SLC9A6: variants seen among roughly 807,000 people sequenced by gnomAD.
SLC9A6 encodes the protein sodium/hydrogen exchanger 6.
In SLC9A6, 6 loss-of-function variants were observed where a neutral mutation model predicts 45.3. The observed-to-expected ratio is 0.13, with a 90% CI of 0.07 to 0.26. The LOEUF (loss-of-function observed/expected upper bound fraction) is 0.26, where lower values mean the gene tolerates loss of function less well. Among genes scored for constraint, SLC9A6 ranks in the 10% least tolerant of loss-of-function variants. SLC9A6 has a pLI of 1.00. For synonymous variants in SLC9A6, 191 were observed against 187.7 expected (o/e 1.02, Z -0.14); for missense variants, 278 against 503.7 (o/e 0.55, Z 4.29).
At chrX:135,996,921 C>G (rs1219321783) in intron 3 of SLC9A6, among the ~76,000 whole-genome samples, 1 of 109,848 alleles carries the variant, frequency 9.1e-6, no homozygotes. Context: ...CGCCCGCCAC[C>G]ACGCCCGGCT....
chrX:136,019,287 A>T (rs1163316482), intron 11 of SLC9A6, among the ~76,000 whole-genome samples: 2 of 112,488 alleles, frequency 1.8e-5, no homozygotes, highest in Non-Finnish European at 3.8e-5. Flanking sequence ...CTGAAGCAAT[A>T]TTGTTGCTAA....
intron 17 of SLC9A6, among the ~76,000 whole-genome samples, chrX:136,040,971 A>G (rs1368365966): frequency 3.6e-5 from 4 of 111,121 alleles, no homozygotes; most frequent in Non-Finnish European, 7.6e-5. Context: ...AATTACAAAA[A>G]TTAGCTGGGC....
intron 3 of SLC9A6, among the ~76,000 whole-genome samples, chrX:135,996,922 A>G (rs1450174733): frequency 9.2e-5 from 10 of 108,993 alleles, no homozygotes; most frequent in South Asian, 4.0e-4. Flanking sequence ...GCCCGCCACC[A>G]CGCCCGGCTA....
At chrX:136,014,327 C>T (rs2070977567) in intron 10 of SLC9A6, among the ~76,000 whole-genome samples, 1 of 111,111 alleles carries the variant, frequency 9.0e-6, no homozygotes, top group African/African-American at 3.3e-5. Context: ...AGAGATTAGG[C>T]TTTTTCCCCC....
At chrX:136,003,275 C>A (rs1455933603) in intron 7 of SLC9A6, among the ~76,000 whole-genome samples, 1 of 112,655 alleles carries the variant, frequency 8.9e-6, no homozygotes, top group East Asian at 2.8e-4. Flanking sequence ...AGGCGTGAGC[C>A]ACCACGCCCG....
At chrX:135,998,756 T>A in intron 5 of SLC9A6, 100 bp from the exon 6 acceptor site, 2 of 690,721 alleles carry the variant, frequency 2.9e-6, no homozygotes, top group Middle Eastern at 3.2e-4. Context: ...AAATTTGGGA[T>A]TAGTCACAAA....
chrX:135,997,953 T>C lies in SLC9A6; in HGVS notation c.370-155T>C, dbSNP rs781888932. ...CTGGTCGTTTGGTTGAGAAGTAGAA[T>C]AGAAACTATCCTATATGAAATATTT... On this transcript the variant is annotated intron_variant, in intron 3 of 17. Coordinates refer to ENST00000630721, the MANE Select transcript of SLC9A6 (RefSeq NM_001379110.1). Among the ~76,000 whole-genome samples, 5 of 112,385 alleles carry C rather than the reference T, an allele frequency of 4.4e-5. No individual in the cohort carries two copies. The South Asian group carries it at 1.1e-3, about 25-fold the overall frequency.
In SLC9A6 at chrX:136,044,784, G is replaced by T. The variant is rs1436857667; in HGVS notation, c.*60G>T. Reference sequence around the variant, plus strand: ...TGCACATGTGATTGTGAAGAAATTTGTACTACCTAAAAGTCCCAGTGCATG... The same window carrying T: ...TGCACATGTGATTGTGAAGAAATTTTTACTACCTAAAAGTCCCAGTGCATG... On this transcript the variant is annotated 3_prime_UTR_variant, in exon 18 of 18. Transcript: ENST00000630721. The T allele has an allele frequency of 2.4e-5, 26 of 1,072,789 alleles. No individual in the cohort carries two copies. Among genetic ancestry groups the T allele is most frequent in the African/African-American group, 7.3e-5 (4 of 54,656 alleles). The allele number at this position is 1,072,789 out of a possible 1,213,427, so 88.4% of individuals were successfully genotyped here.
intron 2 of SLC9A6, among the ~76,000 whole-genome samples, chrX:135,993,391 C>G (rs2089459031): frequency 8.9e-6 from 1 of 111,810 alleles, no homozygotes. Flanking sequence ...TTTGTGAATA[C>G]ACTAAAGACC....
chrX:135,976,198 G>A (rs1556613332), intron 1 of SLC9A6, among the ~76,000 whole-genome samples: 1 of 110,979 alleles, frequency 9.0e-6, no homozygotes, highest in East Asian at 2.8e-4. Flanking sequence ...CCTTACAAAT[G>A]TAGTTCTATT....
At chrX:136,024,157 G>A (rs376420480) in intron 12 of SLC9A6, among the ~76,000 whole-genome samples, 173 bp from the exon 13 acceptor site, 13 of 112,259 alleles carry the variant, frequency 1.2e-4, no homozygotes, top group African/African-American at 4.2e-4. Flanking sequence ...AAAGTGCTGG[G>A]ATTACAGGTG....
chrX:136,019,566 C>A (rs1401939318), intron 11 of SLC9A6, among the ~76,000 whole-genome samples: 1 of 112,343 alleles, frequency 8.9e-6, no homozygotes, highest in African/African-American at 3.2e-5. Flanking sequence ...CCACATGTTT[C>A]GTGGTTACAT....
At chrX:135,997,024 C>G (rs1023275927) in intron 3 of SLC9A6, among the ~76,000 whole-genome samples, 202 of 110,604 alleles carry the variant, frequency 1.8e-3, no homozygotes, top group African/African-American at 6.5e-3. Context: ...CCTTGGCCTC[C>G]CAAAGTGCTG....
At chrX:136,036,062 G>C (rs1211233085) in intron 16 of SLC9A6, among the ~76,000 whole-genome samples, 3 of 110,664 alleles carry the variant, frequency 2.7e-5, no homozygotes, top group African/African-American at 6.6e-5. Context: ...TGCCCAGCCT[G>C]TTTAGCTTTA....
At chrX:135,976,151 C>A (rs1421387531) in intron 1 of SLC9A6, among the ~76,000 whole-genome samples, 1 of 111,070 alleles carries the variant, frequency 9.0e-6, no homozygotes, top group Non-Finnish European at 1.9e-5. Flanking sequence ...GAATTTTACA[C>A]AATACTTGAT....
chrX:136,040,405 T>C (rs782486763), intron 17 of SLC9A6, among the ~76,000 whole-genome samples: 2 of 112,347 alleles, frequency 1.8e-5, no homozygotes, highest in Non-Finnish European at 3.7e-5. Flanking sequence ...TATAGAATCG[T>C]GCCTCATCTT....
chrX:136,016,296 G>T (rs975522284), intron 10 of SLC9A6, among the ~76,000 whole-genome samples: 1 of 110,465 alleles, frequency 9.1e-6, no homozygotes, highest in Admixed American at 9.7e-5. Flanking sequence ...ATGGTTAGAG[G>T]TCCTTTCTCA....
In SLC9A6 at chrX:135,999,031, T is replaced by C. The variant is rs1435037002; in HGVS notation, c.637+63T>C. ...GCATTGTTTTGCAGTCAAATACATG[T>C]GGGTTTTTCTTTCTTTGAGGTGTAG... is the stretch of plus-strand genomic sequence containing the variant. On this transcript the variant is annotated intron_variant, in intron 6 of 17. Coordinates refer to ENST00000630721, the MANE Select transcript of SLC9A6 (RefSeq NM_001379110.1). 3 of 704,799 alleles carry C rather than the reference T, an allele frequency of 4.3e-6. No individual in the cohort carries two copies. The African/African-American group carries it at 6.3e-5, about 15-fold the overall frequency. The allele number at this position is 704,799 out of a possible 1,213,427, so 58.1% of individuals were successfully genotyped here.
At chrX:135,990,380 C>T (rs1020203091) in intron 2 of SLC9A6, among the ~76,000 whole-genome samples, 2 of 111,769 alleles carry the variant, frequency 1.8e-5, no homozygotes, top group Non-Finnish European at 3.8e-5. Flanking sequence ...CTAGAAGTTT[C>T]TGCTTTAGTC....
Sources: allele counts gnomAD v4.1 joint callset (sites outside exome capture counted in the v4.1 genomes callset), GRCh38; gene constraint gnomAD v4.1.1; transcripts MANE v1.5; gene names NCBI Gene and HGNC (gene_info 2026-07-23, HGNC 2026-07-21).